Variants in TAOK1 observed in about 807,000 individuals in gnomAD.
The protein encoded by TAOK1 is serine/threonine-protein kinase TAO1.
In TAOK1, 21 loss-of-function variants were observed where a neutral mutation model predicts 138.3. That is an observed-to-expected ratio of 0.15 (90% CI 0.11 to 0.22). TAOK1 has a LOEUF of 0.22. TAOK1 is among the 10% of genes least tolerant of loss of function. TAOK1 has a pLI of 1.00. For missense variants in TAOK1, 651 were observed against 1,227.7 expected (o/e 0.53, Z 7.02); for synonymous variants, 361 against 398.4 (o/e 0.91, Z 1.12).
chr17:29,430,297 T>C (rs751423163), intron 1 of TAOK1, among the ~76,000 whole-genome samples: 1 of 152,080 alleles, frequency 6.6e-6, no homozygotes, highest in African/African-American at 2.4e-5. Context: ...CCCCTAGAAG[T>C]TTCCCATTGG....
In TAOK1 at chr17:29,542,731, G is replaced by A. The variant is rs146438033; in HGVS notation, c.2715G>A (p.Pro905=). Residue 905 remains proline, a synonymous_variant, in exon 20 of 20, where the codon CCG becomes CCA. Coordinates refer to ENST00000261716, the MANE Select transcript of TAOK1 (RefSeq NM_020791.4). ...LSPEAFSHSY[P]GASGWSHNPT... is the part of the protein sequence containing the mutation. Reference sequence around the variant, plus strand: ...CTGAGGCATTCAGCCACAGCTACCCGGGAGCTTCTGGTTGGTCACACAACC... The same window carrying A: ...CTGAGGCATTCAGCCACAGCTACCCAGGAGCTTCTGGTTGGTCACACAACC... The A allele has an allele frequency of 2.2e-4, 355 of 1,614,080 alleles. No individual in the cohort carries two copies. The highest frequency in any genetic ancestry group is 2.7e-4 in the Non-Finnish European group (319 of 1,180,042).
chr17:29,533,664 C>A (rs1425730732), intron 18 of TAOK1, among the ~76,000 whole-genome samples: 1 of 151,896 alleles, frequency 6.6e-6, no homozygotes, highest in Non-Finnish European at 1.5e-5. Flanking sequence ...CACAGCGAAA[C>A]CCCGTCTCCA....
Position 29,457,607 on chromosome 17 carries a change from T to C in TAOK1, c.132+5927T>C, listed in dbSNP as rs552676206. ...TTTTAGTAGAGACGGGGTTTCACCATGTTGGCCAGGCTGGTCTTGAACTCC... is the reference window on the plus strand; with the variant it reads ...TTTTAGTAGAGACGGGGTTTCACCACGTTGGCCAGGCTGGTCTTGAACTCC... On this transcript the variant is annotated intron_variant, in intron 2 of 19. Transcript: ENST00000261716. Among the ~76,000 whole-genome samples, 154 of 150,816 alleles carry C rather than the reference T, an allele frequency of 1.0e-3. 1 individual carries two copies. The highest frequency in any genetic ancestry group is 1.8e-3 in the Non-Finnish European group (123 of 67,730).
In TAOK1 at chr17:29,545,771, A is replaced by C. The variant is rs2032392974; in HGVS notation, c.*2749A>C. Reference sequence around the variant, plus strand: ...CTAGAGAAAGAGCAAGCACTTTCTGAATCAGTGGGGAAATATCAATATTTG... The same window carrying C: ...CTAGAGAAAGAGCAAGCACTTTCTGCATCAGTGGGGAAATATCAATATTTG... On this transcript the variant is annotated 3_prime_UTR_variant, in exon 20 of 20. Transcript: ENST00000261716. 1 of 152,150 alleles carries C rather than the reference A, an allele frequency of 6.6e-6. No homozygotes were observed. Among genetic ancestry groups the C allele is most frequent in the Non-Finnish European group, 1.5e-5 (1 of 67,984 alleles). The allele number at this position is 152,150 out of a possible 1,614,324, so 9.4% of individuals were successfully genotyped here.
At chr17:29,412,812 A>G (rs991309431) in intron 1 of TAOK1, among the ~76,000 whole-genome samples, 1 of 152,216 alleles carries the variant, frequency 6.6e-6, no homozygotes, top group Non-Finnish European at 1.5e-5. Context: ...ATGAACCCAT[A>G]TAAATGTTGA....
intron 12 of TAOK1, among the ~76,000 whole-genome samples, 167 bp from the exon 13 acceptor site, chr17:29,502,422 C>G (rs1479409703): frequency 6.6e-6 from 1 of 152,134 alleles, no homozygotes; most frequent in Non-Finnish European, 1.5e-5. Context: ...ACAGTGAGAC[C>G]CTGTTTCTAA....
At chr17:29,527,108 G>C (rs1159354672) in intron 17 of TAOK1, among the ~76,000 whole-genome samples, 1 of 151,604 alleles carries the variant, frequency 6.6e-6, no homozygotes. Flanking sequence ...CCTGGTGACA[G>C]AGCAAGACTC....
intron 13 of TAOK1, among the ~76,000 whole-genome samples, chr17:29,507,267 T>G (rs2031645286): frequency 1.3e-5 from 2 of 151,866 alleles, no homozygotes; most frequent in African/African-American, 2.4e-5. Context: ...TGAGGTTTTT[T>G]TTTTGTTTTT....
intron 1 of TAOK1, among the ~76,000 whole-genome samples, chr17:29,397,785 GTATA>G (rs1199231113): frequency 6.9e-6 from 1 of 145,672 alleles, no homozygotes; most frequent in Non-Finnish European, 1.5e-5. Flanking sequence ...ATATTCGTGT[GTATA>G]TATGTATATT....
chr17:29,527,079 T>C (rs952936205), intron 17 of TAOK1, among the ~76,000 whole-genome samples: 1 of 151,716 alleles, frequency 6.6e-6, no homozygotes, highest in Non-Finnish European at 1.5e-5. Flanking sequence ...TGAGCTGAGG[T>C]AGCGCCACTG....
chr17:29,508,161 T>A, intron 14 of TAOK1, 29 bp downstream of exon 14: 1 of 1,588,436 alleles, frequency 6.3e-7, no homozygotes, highest in Non-Finnish European at 8.6e-7. Flanking sequence ...TTACTTTGCT[T>A]ATTTTAGGTT....
chr17:29,404,461 C>T (rs1230956206), intron 1 of TAOK1, among the ~76,000 whole-genome samples: 1 of 152,068 alleles, frequency 6.6e-6, no homozygotes, highest in Non-Finnish European at 1.5e-5. Flanking sequence ...CACACCTGGC[C>T]TGAAATATTT....
intron 17 of TAOK1, among the ~76,000 whole-genome samples, chr17:29,523,778 T>C (rs2031962293): frequency 6.6e-6 from 1 of 152,212 alleles, no homozygotes; most frequent in Non-Finnish European, 1.5e-5. Context: ...TTAAAACTTT[T>C]ATTTATATTC....
chr17:29,496,241 T>C lies in TAOK1; in HGVS notation c.999+514T>C, dbSNP rs879610367. On this transcript the variant is annotated intron_variant, in intron 11 of 19. Transcript: ENST00000261716. ...TCAGCCTCCCGAGTAGCTGGGATTA[T>C]AGGCGCGCACCACCACACCTGACTA... Among the ~76,000 whole-genome samples, 11 of 151,450 alleles carry C rather than the reference T, an allele frequency of 7.3e-5. No homozygotes were observed. In the South Asian group the frequency reaches 8.4e-4, roughly 12 times the overall value.
At chr17:29,461,801 A>G (rs906924758) in intron 2 of TAOK1, among the ~76,000 whole-genome samples, 1 of 151,914 alleles carries the variant, frequency 6.6e-6, no homozygotes, top group Non-Finnish European at 1.5e-5. Flanking sequence ...TCTCCAATTC[A>G]GGTTAGGACC....
intron 1 of TAOK1, among the ~76,000 whole-genome samples, chr17:29,421,617 T>C (rs1905447094): frequency 6.6e-6 from 1 of 152,160 alleles, no homozygotes; most frequent in African/African-American, 2.4e-5. Flanking sequence ...GTTATCTTTT[T>C]TTGTTTGTCT....
chr17:29,497,714 C>CAAAAAAAAAAAAAAAAAAAAA (rs373537264), intron 11 of TAOK1, among the ~76,000 whole-genome samples: 1 of 100,722 alleles, frequency 9.9e-6, no homozygotes, highest in African/African-American at 3.8e-5. Flanking sequence ...TATTGAAATA[C>CAAAAAAAAAAAAAAAAAAAAA]AAAAAAAAAA....
intron 1 of TAOK1, among the ~76,000 whole-genome samples, chr17:29,417,311 A>G (rs1314098952): frequency 6.6e-6 from 1 of 152,142 alleles, no homozygotes; most frequent in African/African-American, 2.4e-5. Context: ...CACCGCGCCC[A>G]GCCCCTTCCC....
chr17:29,486,333 A>AT (rs1320153484), intron 8 of TAOK1, among the ~76,000 whole-genome samples: 1 of 152,102 alleles, frequency 6.6e-6, no homozygotes, highest in Admixed American at 6.6e-5. Flanking sequence ...AAAATTTGAG[A>AT]TAAAAAATAT....
Sources: allele counts gnomAD v4.1 joint callset (sites outside exome capture counted in the v4.1 genomes callset), GRCh38; gene constraint gnomAD v4.1.1; transcripts MANE v1.5; gene names NCBI Gene and HGNC (gene_info 2026-07-23, HGNC 2026-07-21).